Variants in VPS13B observed in about 807,000 individuals in gnomAD.
VPS13B encodes the protein intermembrane lipid transfer protein VPS13B.
VPS13B carries 285 observed loss-of-function variants against 426.4 expected under a neutral mutation model. The ratio of observed to expected loss-of-function variants is 0.67; its 90% CI spans 0.61 to 0.74. The LOEUF is 0.74. VPS13B is among the 30% of genes least tolerant of loss of function. The pLI is 0.00. For synonymous variants in VPS13B, 1,676 were observed against 1,676.4 expected (o/e 1.00, Z 0.01); for missense variants, 4,537 against 4,782.6 (o/e 0.95, Z 1.51).
Position 99,876,932 on chromosome 8 carries a change from G to GCTT in VPS13B, c.*1267_*1269dup, listed in dbSNP as rs972032547. 9 of 152,202 alleles carry GCTT rather than the reference G, an allele frequency of 5.9e-5. No homozygotes were observed. The highest frequency in any genetic ancestry group is 2.2e-4 in the African/African-American group (9 of 41,438). The allele number at this position is 152,202 out of a possible 1,614,324, so 9.4% of individuals were successfully genotyped here. A position where few individuals can be genotyped will look rare whatever the true frequency, so the allele number is the denominator to read the frequency against. On this transcript the variant is annotated 3_prime_UTR_variant, in exon 62 of 62. Coordinates refer to ENST00000357162, the MANE Select transcript of VPS13B (RefSeq NM_152564.5). ...GTGGGAACAGTCATGGCTCACTGCA[G>GCTT]CTTAAGCTCACTGCCTGGGCTCAAG...
chr8:99,063,441 C>T (rs1844307206), intron 3 of VPS13B, among the ~76,000 whole-genome samples: 1 of 152,232 alleles, frequency 6.6e-6, no homozygotes, highest in Admixed American at 6.5e-5. Flanking sequence ...CTTGGTGGGT[C>T]CCATGCCCAC....
At chr8:99,853,166 A>G (rs1263720046) in intron 55 of VPS13B, among the ~76,000 whole-genome samples, 4 of 152,184 alleles carry the variant, frequency 2.6e-5, no homozygotes, top group African/African-American at 9.7e-5. Context: ...TTAGTACACA[A>G]AGACTAGAGG....
intron 30 of VPS13B, among the ~76,000 whole-genome samples, chr8:99,539,975 TTATAGAAATAAATGAGTTATATAAA>T (rs1823471116): frequency 7.9e-6 from 1 of 127,334 alleles, no homozygotes; most frequent in South Asian, 2.6e-4. Flanking sequence ...ATAAAAATGC[TTATAGAAATAAATGAGTTATATAAA>T]TATATAAATA....
rs1563752104 is a variant in VPS13B at position 99,478,446 on chromosome 8, TG to T, written c.3667-3152del. Among the ~76,000 whole-genome samples, 72 of 65,820 alleles carry T rather than the reference TG, an allele frequency of 1.1e-3. 1 individual carries two copies. The highest frequency in any genetic ancestry group is 2.8e-3 in the South Asian group (3 of 1,080). 43.2% of individuals were successfully genotyped at this position (65,820 alleles called of 152,430 possible). ...TTTTGAGACAGTTGTTTTTTTGTTTTGTTTTTTTTTTTTTTTTTTGTTTTTT... is the reference window on the plus strand; with the variant it reads ...TTTTGAGACAGTTGTTTTTTTGTTTTTTTTTTTTTTTTTTTTTTGTTTTTT... On this transcript the variant is annotated intron_variant, in intron 24 of 61. Coordinates refer to ENST00000357162, the MANE Select transcript of VPS13B (RefSeq NM_152564.5).
intron 39 of VPS13B, among the ~76,000 whole-genome samples, chr8:99,765,388 A>G (rs926810143): frequency 5.3e-5 from 8 of 152,194 alleles, no homozygotes; most frequent in African/African-American, 1.9e-4. Context: ...GTATCTTTTT[A>G]TCTTTTTGTG....
At chr8:99,851,844 A>G (rs957680961) in intron 55 of VPS13B, among the ~76,000 whole-genome samples, 3 of 152,092 alleles carry the variant, frequency 2.0e-5, no homozygotes, top group African/African-American at 7.2e-5. Flanking sequence ...TCATTTTTGA[A>G]CATAGAAGTG....
At chr8:99,866,583 C>A (rs1054666832) in intron 58 of VPS13B, among the ~76,000 whole-genome samples, 1 of 152,400 alleles carries the variant, frequency 6.6e-6, no homozygotes, top group South Asian at 2.1e-4. Flanking sequence ...GAAGCCTTCA[C>A]TGTGGCCAGA....
intron 58 of VPS13B, among the ~76,000 whole-genome samples, chr8:99,864,700 C>CGA (rs1817006208): frequency 6.6e-6 from 1 of 152,186 alleles, no homozygotes; most frequent in South Asian, 2.1e-4. Flanking sequence ...GTTGGCAAAG[C>CGA]GTTTTCAAAG....
intron 44 of VPS13B, among the ~76,000 whole-genome samples, chr8:99,812,212 A>T (rs1466854595): frequency 2.6e-5 from 4 of 152,184 alleles, no homozygotes; most frequent in African/African-American, 9.7e-5. Flanking sequence ...CAAAAATGTT[A>T]AATGTCTTTT....
Position 99,170,044 on chromosome 8 carries a change from T to G in VPS13B, c.2214T>G (p.Phe738Leu). 6.2e-7 allele frequency: 1 copy of G among 1,612,712 alleles called. No homozygotes were observed. Among genetic ancestry groups the G allele is most frequent in the Non-Finnish European group, 8.5e-7 (1 of 1,178,840 alleles). ...YCYVHCYLKIFGFQAGLTSLD... is the reference protein window; with the variant it reads ...YCYVHCYLKILGFQAGLTSLD... ...ATCTTTTCTTTTTGTTTTAGATATT[T>G]GGTTTCCAGGCAGGACTGACGTCTT... The change falls in exon 16 of 62, where the codon TTT (phenylalanine) becomes TTG (leucine). Residue 738 changes from phenylalanine (F) to leucine (L), a missense_variant. This residue lies in a region of VPS13B where 4,311 missense variants were observed against 4,474.3 expected (regional missense o/e 0.96). Coordinates refer to ENST00000357162, the MANE Select transcript of VPS13B (RefSeq NM_152564.5).
intron 19 of VPS13B, among the ~76,000 whole-genome samples, chr8:99,322,446 GC>G (rs1392343943): frequency 6.6e-6 from 1 of 152,110 alleles, no homozygotes; most frequent in Non-Finnish European, 1.5e-5. Context: ...TGCTCTGGAG[GC>G]ATGAATGTAA....
chr8:99,277,599 T>C (rs2133006993), intron 19 of VPS13B, among the ~76,000 whole-genome samples: 1 of 152,282 alleles, frequency 6.6e-6, no homozygotes, highest in South Asian at 2.1e-4. Flanking sequence ...ATATTATACT[T>C]TCAGCAACTA....
intron 17 of VPS13B, among the ~76,000 whole-genome samples, chr8:99,222,305 C>T (rs1815768847): frequency 6.6e-6 from 1 of 152,160 alleles, no homozygotes; most frequent in Non-Finnish European, 1.5e-5. Context: ...AGTTCACCCC[C>T]AATATTGGCA....
chr8:99,760,413 T>C (rs1417037558), intron 39 of VPS13B, among the ~76,000 whole-genome samples: 2 of 152,136 alleles, frequency 1.3e-5, no homozygotes, highest in African/African-American at 4.8e-5. Flanking sequence ...CTAAAAACAA[T>C]ACAGGTTTTA....
At chr8:99,858,438 A>G (rs1816663002) in intron 56 of VPS13B, among the ~76,000 whole-genome samples, 1 of 151,880 alleles carries the variant, frequency 6.6e-6, no homozygotes, top group African/African-American at 2.4e-5. Flanking sequence ...ACAAGGGAAC[A>G]CTCCCCTCTC....
intron 50 of VPS13B, among the ~76,000 whole-genome samples, chr8:99,822,337 G>A (rs992046166): frequency 3.9e-5 from 6 of 152,112 alleles, no homozygotes; most frequent in Non-Finnish European, 7.4e-5. Flanking sequence ...ATAAATTTCC[G>A]TGATACCAAG....
At chr8:99,750,229 C>T (rs1810325214) in intron 39 of VPS13B, among the ~76,000 whole-genome samples, 1 of 152,064 alleles carries the variant, frequency 6.6e-6, no homozygotes, top group South Asian at 2.1e-4. Context: ...ATAGCAAACA[C>T]ATTGTGGACA....
Position 99,720,883 on chromosome 8 carries a change from G to T in VPS13B, c.6886G>T (p.Val2296Phe). Residue 2296 changes from valine to phenylalanine, a missense_variant, in exon 39 of 62, where the codon GTC becomes TTC. By Grantham distance (50) the Val-to-Phe change is conservative. This residue lies in a region of VPS13B where 4,311 missense variants were observed against 4,474.3 expected (regional missense o/e 0.96). Transcript: ENST00000357162. ...GACAGAATCTTTGAAATTGCCTGGG[G>T]TCTATGAAGTCTTATTTTATAATGA... ...QDAESLKLPG[V>F]YEVLFYNETE... 6.2e-7 allele frequency: 1 copy of T among 1,613,524 alleles called. No homozygotes were observed. Among genetic ancestry groups the T allele is most frequent in the Non-Finnish European group, 8.5e-7 (1 of 1,179,760 alleles).
chr8:99,297,246 A>G (rs7826570), intron 19 of VPS13B, among the ~76,000 whole-genome samples: 1,811 of 152,128 alleles, frequency 0.012, 36 homozygotes, highest in African/African-American at 0.04. Context: ...GAAATTGGCT[A>G]TTGTTTCATT....
Sources: gnomAD v4.1 joint callset for allele counts (sites outside exome capture counted in the v4.1 genomes callset) on GRCh38, gnomAD v4.1.1 for gene constraint, gnomAD v4.1.1 regional missense constraint, MANE v1.5 for transcripts, NCBI Gene and HGNC (gene_info 2026-07-23, HGNC 2026-07-21) for gene names.